RHD: variants seen among roughly 807,000 people sequenced by gnomAD.
RHD encodes the protein Rh blood group D antigen.
Under a neutral mutation model 45.5 loss-of-function variants are expected in RHD, and 16 were observed. The observed-to-expected ratio is 0.35, with a 90% CI of 0.24 to 0.53. The LOEUF is 0.53. Ranked by LOEUF, RHD falls within the 20% of genes least tolerant of loss-of-function variation. RHD has a pLI of 0.92. For missense variants in RHD, 306 were observed against 532.0 expected (o/e 0.58, Z 4.18); for synonymous variants, 131 against 217.5 (o/e 0.60, Z 3.50).
rs1642698415 is a variant in RHD, at chr1:25,293,609, TC to T, written c.486+2820del. ...CTTCAGAAGCACTCCAAGCGTTTCT[TC>T]CTAGGATTTAGAAATTTATAATATG... On this transcript the variant is annotated intron_variant, in intron 3 of 9. Transcript: ENST00000328664. Among the ~76,000 whole-genome samples, 2 of 131,194 alleles carry T rather than the reference TC, an allele frequency of 1.5e-5. 1 individual carries two copies. Among genetic ancestry groups the T allele is most frequent in the African/African-American group, 5.2e-5 (2 of 38,420 alleles). The allele number at this position is 131,194 out of a possible 152,430, so 86.1% of individuals were successfully genotyped here.
At chr1:25,285,325 G>A (rs1324466764) in intron 2 of RHD, among the ~76,000 whole-genome samples, 1 of 133,790 alleles carries the variant, frequency 7.5e-6, no homozygotes, top group Non-Finnish European at 1.8e-5. Flanking sequence ...GTAGAGATAG[G>A]GTTTCTCCGT....
intron 6 of RHD, chr1:25,304,502 A>G: frequency 7.7e-6 from 1 of 129,520 alleles, no homozygotes; most frequent in African/African-American, 2.7e-5. Context: ...GGAGGCTGAG[A>G]CACGAGAATC....
In RHD at chr1:25,284,554, C is replaced by A. The variant is rs1159717668; in HGVS notation, c.149-19C>A. The A allele has an allele frequency of 1.4e-6, 2 of 1,388,070 alleles. No individual in the cohort carries two copies. Among genetic ancestry groups the A allele is most frequent in the Admixed American group, 1.8e-5 (1 of 56,694 alleles). 86.0% of individuals were successfully genotyped at this position (1,388,070 alleles called of 1,614,324 possible). On this transcript the variant is annotated intron_variant, in intron 1 of 9. Transcript: ENST00000328664. ...GTCTGCTTCCCCCTCGTCCTTCTCG[C>A]CATCTCCCCACCGAGCAGTTGGCCA...
In RHD at chr1:25,303,479, A is replaced by T. The variant is rs1419516633; in HGVS notation, c.939+20A>T. 24 of 1,376,380 alleles carry T rather than the reference A, an allele frequency of 1.7e-5. 5 individuals carry two copies. The highest frequency in any genetic ancestry group is 2.5e-5 in the Non-Finnish European group (24 of 977,682). The allele number at this position is 1,376,380 out of a possible 1,614,324, so 85.3% of individuals were successfully genotyped here. On this transcript the variant is annotated intron_variant, in intron 6 of 9. Transcript: ENST00000328664. ...CTGCCGGTAAGAAACTAGACAACTA[A>T]CCTCCTCTGCTTTGGCTGAAGGCCA...
intron 1 of RHD, among the ~76,000 whole-genome samples, chr1:25,274,863 T>A (rs1451850982): frequency 8.0e-6 from 1 of 125,498 alleles, no homozygotes; most frequent in Admixed American, 7.7e-5. Flanking sequence ...AAAAACTGGC[T>A]GGGTGTGGTG....
chr1:25,306,615 T>C lies in RHD; in HGVS notation c.959T>C (p.Leu320Pro). The change falls in exon 7 of 10, where the codon CTG (leucine) becomes CCG (proline). Residue 320 changes from leucine to proline, a missense_variant. Coordinates refer to ENST00000328664, the MANE Select transcript of RHD (RefSeq NM_016124.6). The stretch of plus-strand genomic sequence containing the variant: ...CCACAGGGGTGTTGTAACCGAGTGC[T>C]GGGGATTCCCCACAGCTCCATCATG... ...KYLPGCCNRV[L>P]GIPHSSIMGY... The C allele has an allele frequency of 4.4e-6, 6 of 1,378,432 alleles. 2 individuals are homozygous for C. The highest frequency in any genetic ancestry group is 6.1e-6 in the Non-Finnish European group (6 of 978,768). 85.4% of individuals were successfully genotyped at this position (1,378,432 alleles called of 1,614,324 possible). A position where few individuals can be genotyped will look rare whatever the true frequency, so the allele number is the denominator to read the frequency against.
rs190780509 is a variant in RHD, at chr1:25,307,869, G to A, written c.1073+1140G>A. On this transcript the variant is annotated intron_variant, in intron 7 of 9. Transcript: ENST00000328664. ...GGGGATGAGCTGTGTGAAGCAAGGC[G>A]CCTCTGTGATGGGTTCCAGTGATGT... 54 of 1,281,038 alleles carry A rather than the reference G, an allele frequency of 4.2e-5. 6 individuals carry two copies. The Middle Eastern group carries it at 1.1e-3, about 25-fold the overall frequency. The allele number at this position is 1,281,038 out of a possible 1,614,324, so 79.4% of individuals were successfully genotyped here.
chr1:25,312,698 T>C (rs1644211003), intron 7 of RHD, among the ~76,000 whole-genome samples: 1 of 126,970 alleles, frequency 7.9e-6, no homozygotes, highest in African/African-American at 2.7e-5. Flanking sequence ...TGCAGTGAGC[T>C]ATGGTCGTGC....
chr1:25,286,236 C>T (rs1489272065), intron 2 of RHD, among the ~76,000 whole-genome samples: 5 of 135,374 alleles, frequency 3.7e-5, no homozygotes, highest in East Asian at 1.9e-4. Flanking sequence ...CACCTGTAAT[C>T]CCAGTACTTT....
intron 3 of RHD, chr1:25,294,410 A>T (rs535371277): frequency 1.4e-6 from 1 of 728,966 alleles, no homozygotes; most frequent in East Asian, 2.4e-5. Flanking sequence ...CCGGAAGCAG[A>T]CCCGGGAGCA....
chr1:25,301,666 C>G lies in RHD; in HGVS notation c.781C>G (p.Pro261Ala). Residue 261 changes from proline (P) to alanine (A), a missense_variant, in exon 5 of 10, where the codon CCC becomes GCC. By Grantham distance (27) the Pro-to-Ala change is conservative. Transcript: ENST00000328664. The stretch of plus-strand genomic sequence containing the variant: ...CATCTCAGGGTCATCCTTGGCTCAC[C>G]CCCAAGGGAAGATCAGCAAGGTGAG... ...TAISGSSLAH[P>A]QGKISKTYVH... 1 of 1,379,832 alleles carries G rather than the reference C, an allele frequency of 7.2e-7. No individual in the cohort carries two copies. The highest frequency in any genetic ancestry group is 2.2e-5 in the East Asian group (1 of 44,662). The allele number at this position is 1,379,832 out of a possible 1,614,324, so 85.5% of individuals were successfully genotyped here.
chr1:25,307,468 G>A lies in RHD; in HGVS notation c.1073+739G>A, dbSNP rs373014390. The stretch of plus-strand genomic sequence containing the variant: ...GGGATAGATTTTTAGAGATGAACTG[G>A]TAGCATGATGATAATCATATTCACT... On this transcript the variant is annotated intron_variant, in intron 7 of 9. Transcript: ENST00000328664. Among the ~76,000 whole-genome samples the A allele has an allele frequency of 3.8e-5, 5 of 132,614 alleles. 1 individual carries two copies. Among genetic ancestry groups the A allele is most frequent in the Non-Finnish European group, 8.9e-5 (5 of 56,070 alleles). The allele number at this position is 132,614 out of a possible 152,430, so 87.0% of individuals were successfully genotyped here. A position where few individuals can be genotyped will look rare whatever the true frequency, so the allele number is the denominator to read the frequency against.
At chr1:25,315,500 T>C (rs1271757711) in intron 7 of RHD, among the ~76,000 whole-genome samples, 1 of 121,732 alleles carries the variant, frequency 8.2e-6, no homozygotes, top group East Asian at 2.0e-4. Flanking sequence ...TTTCTTTCTT[T>C]CTTTTTTTTT....
chr1:25,317,999 G>C (rs1644496850), intron 8 of RHD: 1 of 131,222 alleles, frequency 7.6e-6, no homozygotes, highest in African/African-American at 2.6e-5. Flanking sequence ...TAGGGGAGTT[G>C]CTAATTAGCC....
chr1:25,329,025 C>G lies in RHD; in HGVS notation c.*101C>G, dbSNP rs1466692933. 1.0e-5 allele frequency: 14 copies of G among 1,378,322 alleles called. 4 individuals are homozygous for G. The highest frequency in any genetic ancestry group is 1.4e-5 in the Non-Finnish European group (14 of 978,750). 85.4% of individuals were successfully genotyped at this position (1,378,322 alleles called of 1,614,324 possible). ...TGAGAAACGCTCATGACAGCAAAGT[C>G]TCCAATGTTCGCGCAGGCACTGGAG... On this transcript the variant is annotated 3_prime_UTR_variant, in exon 10 of 10. Transcript: ENST00000328664.
At chr1:25,302,241 A>C (rs61083512) in intron 5 of RHD, among the ~76,000 whole-genome samples, 2,310 of 129,788 alleles carry the variant, frequency 0.018, 274 homozygotes, top group African/African-American at 0.057. Flanking sequence ...GCTATTAGTA[A>C]AGAGAGACGA....
At chr1:25,322,354 TAA>T (rs1644757650) in intron 9 of RHD, among the ~76,000 whole-genome samples, 1 of 132,582 alleles carries the variant, frequency 7.5e-6, no homozygotes, top group South Asian at 2.3e-4. Flanking sequence ...TGACAGATGC[TAA>T]GAGTGGAGAC....
Position 25,290,171 on chromosome 1 carries a change from G to A in RHD, c.336-470G>A, listed in dbSNP as rs1254509382. On this transcript the variant is annotated intron_variant, in intron 2 of 9. Coordinates refer to ENST00000328664, the MANE Select transcript of RHD (RefSeq NM_016124.6). ...AGTTTCTTTCCACTGCCACGGAGACGGAGAGAAGGGACAGTGGCCCCAGAT... is the reference window on the plus strand; with the variant it reads ...AGTTTCTTTCCACTGCCACGGAGACAGAGAGAAGGGACAGTGGCCCCAGAT... Among the ~76,000 whole-genome samples, 2 of 130,376 alleles carry A rather than the reference G, an allele frequency of 1.5e-5. 1 individual carries two copies. Among genetic ancestry groups the A allele is most frequent in the Non-Finnish European group, 3.6e-5 (2 of 55,500 alleles). 85.5% of individuals were successfully genotyped at this position (130,376 alleles called of 152,430 possible). A position where few individuals can be genotyped will look rare whatever the true frequency, so the allele number is the denominator to read the frequency against.
chr1:25,296,249 T>C (rs1642947904), intron 3 of RHD, among the ~76,000 whole-genome samples: 1 of 127,522 alleles, frequency 7.8e-6, no homozygotes, highest in Admixed American at 7.6e-5. Flanking sequence ...ATTTCTTTTT[T>C]TTTTTTTCTT....
Sources: allele counts gnomAD v4.1 joint callset (sites outside exome capture counted in the v4.1 genomes callset), GRCh38; gene constraint gnomAD v4.1.1; transcripts MANE v1.5; gene names NCBI Gene and HGNC (gene_info 2026-07-23, HGNC 2026-07-21).